IGSF11: variants seen among roughly 807,000 people sequenced by gnomAD.
IGSF11 encodes the protein immunoglobulin superfamily member 11.
A neutral mutation model predicts 41.0 loss-of-function variants in IGSF11; 22 were observed. The ratio of observed to expected loss-of-function variants is 0.54; its 90% CI spans 0.38 to 0.77. The LOEUF is 0.77. Among genes scored for constraint, IGSF11 ranks in the 30% least tolerant of loss-of-function variants. The pLI is 0.00. For synonymous variants in IGSF11, 219 were observed against 201.3 expected, an observed-to-expected ratio of 1.09 and a Z score of -0.74; for missense variants, 444 against 530.8, an observed-to-expected ratio of 0.84 and a Z score of 1.61.
chr3:119,129,995 T>G (rs1443497006), intron 1 of IGSF11, among the ~76,000 whole-genome samples: 2 of 152,066 alleles, frequency 1.3e-5, no homozygotes, highest in Non-Finnish European at 2.9e-5. Context: ...AAAAAAAATT[T>G]TTTTTAATTA....
intron 1 of IGSF11, among the ~76,000 whole-genome samples, chr3:119,104,633 A>G (rs2076991169): frequency 3.3e-5 from 5 of 152,194 alleles, no homozygotes. Flanking sequence ...AACCTTTAAA[A>G]GGTTATGAAA....
intron 1 of IGSF11, among the ~76,000 whole-genome samples, chr3:119,042,976 C>G (rs1270863764): frequency 6.6e-6 from 1 of 152,150 alleles, no homozygotes; most frequent in African/African-American, 2.4e-5. Context: ...TGTTCTCTGA[C>G]CTGGGGTTCT....
chr3:119,099,608 G>A (rs1345844893), intron 1 of IGSF11, among the ~76,000 whole-genome samples: 2 of 152,180 alleles, frequency 1.3e-5, no homozygotes, highest in South Asian at 2.1e-4. Flanking sequence ...GAAAATTACA[G>A]CTTGAATTTT....
chr3:119,015,331 A>G (rs915770610), intron 1 of IGSF11, among the ~76,000 whole-genome samples: 2 of 152,196 alleles, frequency 1.3e-5, no homozygotes, highest in African/African-American at 4.8e-5. Context: ...TGCAAGATCT[A>G]CCTTATTTAA....
At chr3:119,021,846 ACTT>A (rs1939325223) in intron 1 of IGSF11, among the ~76,000 whole-genome samples, 2 of 152,340 alleles carry the variant, frequency 1.3e-5, no homozygotes, top group Non-Finnish European at 2.9e-5. Context: ...TCAATTAAGA[ACTT>A]CTGTTCTTTA....
chr3:119,034,934 C>G, upstream of IGSF11: 25 of 734,904 alleles, frequency 3.4e-5, no homozygotes, highest in South Asian at 6.3e-5. Context: ...GCCGCGCCGC[C>G]CACTCGCCCC....
intron 1 of IGSF11, among the ~76,000 whole-genome samples, chr3:119,008,705 C>T (rs1376660007): frequency 6.6e-6 from 1 of 152,190 alleles, no homozygotes; most frequent in Admixed American, 6.5e-5. Context: ...AATGTGCCAA[C>T]TTGACTGGGC....
intron 1 of IGSF11, among the ~76,000 whole-genome samples, chr3:119,046,497 A>G (rs1941359644): frequency 6.6e-6 from 1 of 152,074 alleles, no homozygotes; most frequent in African/African-American, 2.4e-5. Context: ...GACTATGTGA[A>G]AAGACCAAAT....
At position 119,034,615 on chromosome 3, in the gene IGSF11, C is replaced by T. The variant is rs921101881; in HGVS notation, c.-33G>A. The T allele has an allele frequency of 1.3e-6, 2 of 1,561,350 alleles. No homozygotes were observed. The highest frequency in any genetic ancestry group is 2.4e-5 in the East Asian group (1 of 41,338). On this transcript the variant is annotated 5_prime_UTR_variant, in exon 1 of 7. Transcript: ENST00000393775. ...CCGCAGGGAGCGCGCCTGCCTCCTACCCGGCTCCCGGTCGCAACAGGAGAG... is the reference window on the plus strand; with the variant it reads ...CCGCAGGGAGCGCGCCTGCCTCCTATCCGGCTCCCGGTCGCAACAGGAGAG...
At chr3:119,127,863 T>A (rs2077424343) in intron 1 of IGSF11, among the ~76,000 whole-genome samples, 1 of 152,232 alleles carries the variant, frequency 6.6e-6, no homozygotes, top group Admixed American at 6.5e-5. Flanking sequence ...CTAAGGGATT[T>A]CATTACCAGC....
At chr3:119,112,300 G>C (rs2077180227) in intron 1 of IGSF11, among the ~76,000 whole-genome samples, 1 of 152,142 alleles carries the variant, frequency 6.6e-6, no homozygotes, top group Non-Finnish European at 1.5e-5. Flanking sequence ...GGGCAATGGT[G>C]GGCGCCCCTC....
chr3:119,141,437 GGAGAATATAAAAT>G (rs2077647130), intron 1 of IGSF11, among the ~76,000 whole-genome samples: 1 of 150,860 alleles, frequency 6.6e-6, no homozygotes, highest in South Asian at 2.1e-4. Flanking sequence ...TTAATATAAT[GGAGAATATAAAAT>G]GAGAATATAA....
At chr3:118,912,484 C>T (rs1448682689) in intron 4 of IGSF11, among the ~76,000 whole-genome samples, 3 of 152,190 alleles carry the variant, frequency 2.0e-5, no homozygotes, top group African/African-American at 7.2e-5. Context: ...ATCTCACTCA[C>T]CAGTACAGGG....
chr3:119,014,823 A>G (rs1455892335), intron 1 of IGSF11, among the ~76,000 whole-genome samples: 1 of 152,220 alleles, frequency 6.6e-6, no homozygotes, highest in East Asian at 1.9e-4. Flanking sequence ...ACAGCTACAT[A>G]AAATTTCACA....
intron 1 of IGSF11, among the ~76,000 whole-genome samples, chr3:119,004,024 G>A (rs1448031536): frequency 6.6e-6 from 1 of 152,024 alleles, no homozygotes; most frequent in African/African-American, 2.4e-5. Flanking sequence ...ATTGGAATAG[G>A]TTCAGAAGGA....
intron 1 of IGSF11, among the ~76,000 whole-genome samples, chr3:119,111,575 C>G (rs545482298): frequency 6.6e-6 from 1 of 152,306 alleles, no homozygotes; most frequent in African/African-American, 2.4e-5. Context: ...TCATCTGAAG[C>G]CTTCTTCTCT....
chr3:119,084,863 T>C (rs1293897983), intron 1 of IGSF11, among the ~76,000 whole-genome samples: 1 of 152,150 alleles, frequency 6.6e-6, no homozygotes, highest in Non-Finnish European at 1.5e-5. Flanking sequence ...GGCCAGTGGC[T>C]CCAGACTGCC....
At chr3:119,053,482 G>A (rs1423137669) in intron 1 of IGSF11, among the ~76,000 whole-genome samples, 1 of 152,040 alleles carries the variant, frequency 6.6e-6, no homozygotes, top group African/African-American at 2.4e-5. Flanking sequence ...TCTCTACAAG[G>A]TAAACTACAA....
chr3:118,934,240 A>T (rs1943076861), intron 1 of IGSF11, among the ~76,000 whole-genome samples: 1 of 152,158 alleles, frequency 6.6e-6, no homozygotes, highest in African/African-American at 2.4e-5. Flanking sequence ...GGCTTCCCAG[A>T]TACCTCCTTG....
Sources: allele counts gnomAD v4.1 joint callset (sites outside exome capture counted in the v4.1 genomes callset), GRCh38; gene constraint gnomAD v4.1.1; transcripts MANE v1.5; gene names NCBI Gene and HGNC (gene_info 2026-07-23, HGNC 2026-07-21).